ZFAT: variants seen among roughly 807,000 people sequenced by gnomAD.
ZFAT encodes zinc finger protein ZFAT.
In ZFAT, 64 loss-of-function variants were observed where a neutral mutation model predicts 117.7. The observed-to-expected ratio is 0.54, with a 90% CI of 0.44 to 0.67. The LOEUF is 0.67. Ranked by LOEUF, ZFAT falls within the 30% of genes least tolerant of loss-of-function variation. The probability of loss-of-function intolerance (pLI) is 0.00; values close to 1 mark genes in which losing one functional copy is unlikely to be tolerated. For synonymous variants in ZFAT, 679 were observed against 615.0 expected (o/e 1.10, Z -1.54); for missense variants, 1,433 against 1,584.5 (o/e 0.90, Z 1.62).
chr8:134,509,536 A>G, intron 15 of ZFAT, 83 bp downstream of exon 15: 1 of 1,585,206 alleles, frequency 6.3e-7, no homozygotes, highest in Non-Finnish European at 8.6e-7. Context: ...CAGGTAAGTT[A>G]AAGACTTAGA....
At chr8:134,520,380 G>A (rs561680136) in intron 13 of ZFAT, among the ~76,000 whole-genome samples, 1 of 152,300 alleles carries the variant, frequency 6.6e-6, no homozygotes, top group East Asian at 1.9e-4. Context: ...TGAAAAGAGA[G>A]ATGGTTACTG....
At chr8:134,545,025 T>G (rs562729957) in intron 11 of ZFAT, among the ~76,000 whole-genome samples, 99 of 152,212 alleles carry the variant, frequency 6.5e-4, no homozygotes, top group African/African-American at 2.2e-3. Flanking sequence ...ACTGAGCTCA[T>G]AAAAGCAACA....
chr8:134,616,243 G>A (rs1828727188), intron 3 of ZFAT, among the ~76,000 whole-genome samples: 2 of 152,336 alleles, frequency 1.3e-5, no homozygotes, highest in Middle Eastern at 3.4e-3. Context: ...GTGTGTCGTA[G>A]ATGCTCAATA....
At chr8:134,633,060 T>C (rs748333950) in intron 3 of ZFAT, among the ~76,000 whole-genome samples, 101 of 151,686 alleles carry the variant, frequency 6.7e-4, no homozygotes, top group African/African-American at 2.4e-4. Context: ...AGTTTGACAA[T>C]ACGTATGCGC....
chr8:134,748,985 A>G, the ZFAT span, among the ~76,000 whole-genome samples: 1 of 152,088 alleles, frequency 6.6e-6, no homozygotes, highest in Non-Finnish European at 1.5e-5. Flanking sequence ...CTTGTTTAGA[A>G]AAAGAAAAAA....
intron 15 of ZFAT, among the ~76,000 whole-genome samples, chr8:134,494,571 C>G (rs1818290897): frequency 6.6e-6 from 1 of 152,174 alleles, no homozygotes; most frequent in Admixed American, 6.5e-5. Context: ...TGACCTGAAG[C>G]CTCCACGGAA....
chr8:134,590,666 A>G (rs1366290797), intron 7 of ZFAT, among the ~76,000 whole-genome samples: 2 of 149,518 alleles, frequency 1.3e-5, no homozygotes, highest in African/African-American at 5.0e-5. Flanking sequence ...CACCAACACC[A>G]CCACAACCAA....
the ZFAT span, chr8:134,795,887 C>G: frequency 6.6e-6 from 1 of 152,174 alleles, no homozygotes; most frequent in Non-Finnish European, 1.5e-5. Flanking sequence ...TGGAGAAGGC[C>G]AAGAGGCCTT....
At chr8:134,809,087 G>A in the ZFAT span, among the ~76,000 whole-genome samples, 89 of 152,292 alleles carry the variant, frequency 5.8e-4, 1 homozygote, top group East Asian at 7.7e-4. Flanking sequence ...AGACCTGTGA[G>A]GCAGAGAAAC....
chr8:134,768,892 G>T, the ZFAT span, among the ~76,000 whole-genome samples: 1 of 152,000 alleles, frequency 6.6e-6, no homozygotes, highest in Non-Finnish European at 1.5e-5. Context: ...CAGTCCAAAG[G>T]TCGGGCATAG....
the ZFAT span, among the ~76,000 whole-genome samples, chr8:134,775,153 CAAAA>C: frequency 2.0e-5 from 3 of 151,578 alleles, no homozygotes; most frequent in Non-Finnish European, 4.4e-5. Context: ...AACAGAAAAA[CAAAA>C]AAAACACAGT....
chr8:134,605,184 T>C (rs927813258), intron 5 of ZFAT, among the ~76,000 whole-genome samples: 3 of 152,198 alleles, frequency 2.0e-5, no homozygotes, highest in African/African-American at 4.8e-5. Flanking sequence ...TCGATGTCCA[T>C]GCGAGTTCTA....
At chr8:134,741,898 C>T in the ZFAT span, among the ~76,000 whole-genome samples, 1 of 152,142 alleles carries the variant, frequency 6.6e-6, no homozygotes, top group East Asian at 1.9e-4. Context: ...CACTTCTCTG[C>T]CTCCCCAGTC....
chr8:134,500,571 T>C (rs1241464282), intron 15 of ZFAT, among the ~76,000 whole-genome samples: 1 of 152,210 alleles, frequency 6.6e-6, no homozygotes, highest in African/African-American at 2.4e-5. Context: ...CTGTAACTAC[T>C]ATGGTGTAAG....
intron 15 of ZFAT, among the ~76,000 whole-genome samples, chr8:134,484,599 A>G (rs996769225): frequency 6.6e-6 from 1 of 152,146 alleles, no homozygotes; most frequent in Non-Finnish European, 1.5e-5. Flanking sequence ...CCAGGGCCAC[A>G]CTGCTGGAAA....
intron 11 of ZFAT, among the ~76,000 whole-genome samples, chr8:134,559,533 T>C (rs1044675906): frequency 2.0e-5 from 3 of 152,230 alleles, no homozygotes; most frequent in African/African-American, 7.2e-5. Flanking sequence ...TGCAAGTATA[T>C]CTGTAGGATA....
chr8:134,652,651 T>C (rs922207895), intron 2 of ZFAT, among the ~76,000 whole-genome samples: 2 of 152,190 alleles, frequency 1.3e-5, no homozygotes, highest in Non-Finnish European at 1.5e-5. Flanking sequence ...CACAGATGTG[T>C]AAATAGCCAT....
At chr8:134,512,352 A>G (rs1421235663) in intron 14 of ZFAT, 123 bp downstream of exon 14, 1 of 1,436,834 alleles carries the variant, frequency 7.0e-7, no homozygotes, top group Non-Finnish European at 9.4e-7. Context: ...CTGCAGTCTG[A>G]ACGCTGGGTC....
At chr8:134,676,663 A>C (rs1487925832) in intron 1 of ZFAT, among the ~76,000 whole-genome samples, 1 of 152,174 alleles carries the variant, frequency 6.6e-6, no homozygotes, top group Non-Finnish European at 1.5e-5. Flanking sequence ...GCACCACATT[A>C]CACTTATTCT....
Sources: allele counts gnomAD v4.1 joint callset (sites outside exome capture counted in the v4.1 genomes callset), GRCh38; gene constraint gnomAD v4.1.1; transcripts MANE v1.5; gene names NCBI Gene and HGNC (gene_info 2026-07-23, HGNC 2026-07-21).